The following TENM1 variants were observed in gnomAD, a reference collection of about 807,000 sequenced individuals.
TENM1 encodes teneurin-1.
A neutral mutation model predicts 174.8 loss-of-function variants in TENM1; 35 were observed. That is an observed-to-expected ratio of 0.20 (90% confidence interval 0.15 to 0.27). The LOEUF is 0.27. Ranked by LOEUF, TENM1 falls within the 10% of genes least tolerant of loss-of-function variation. The probability of loss-of-function intolerance (pLI) is 1.00; values close to 1 mark genes in which losing one functional copy is unlikely to be tolerated. For synonymous variants in TENM1, 781 were observed against 798.7 expected (o/e 0.98, Z 0.37); for missense variants, 1,633 against 2,130.1 (o/e 0.77, Z 4.59).
At chrX:124,999,071 G>A in the TENM1 span, among the ~76,000 whole-genome samples, 1 of 111,160 alleles carries the variant, frequency 9.0e-6, no homozygotes, top group African/African-American at 3.3e-5. Flanking sequence ...GTGGCATGAA[G>A]AAATTAGATG....
At chrX:124,704,271 C>A (rs758975264) in intron 5 of TENM1, among the ~76,000 whole-genome samples, 1 of 112,003 alleles carries the variant, frequency 8.9e-6, no homozygotes, top group East Asian at 2.8e-4. Flanking sequence ...AGTGCTGCCA[C>A]AAAATACACA....
At chrX:124,676,257 AATATATATATATATATATAT>A (rs56962688) in intron 5 of TENM1, among the ~76,000 whole-genome samples, 178 of 22,958 alleles carry the variant, frequency 7.8e-3, no homozygotes, top group Middle Eastern at 0.023. Context: ...ACATATATAA[AATATATATATATATATATAT>A]ATATATATAT....
intron 11 of TENM1, among the ~76,000 whole-genome samples, chrX:124,638,544 C>A (rs902392426): frequency 2.7e-5 from 3 of 110,674 alleles, no homozygotes; most frequent in Admixed American, 9.6e-5. Flanking sequence ...TGTAAAGCAC[C>A]CTACCATAGT....
intron 1 of TENM1, among the ~76,000 whole-genome samples, chrX:124,907,496 C>T (rs956554409): frequency 1.8e-5 from 2 of 111,979 alleles, no homozygotes; most frequent in African/African-American, 6.5e-5. Context: ...CCATTTCCAC[C>T]TTAACAGTCT....
At chrX:124,500,886 C>CT (rs1290269086) in intron 19 of TENM1, among the ~76,000 whole-genome samples, 3 of 111,674 alleles carry the variant, frequency 2.7e-5, no homozygotes, top group Non-Finnish European at 5.7e-5. Flanking sequence ...TCTCTTAGTA[C>CT]TTGACTGAGA....
At chrX:124,508,541 C>A (rs1456303205) in intron 18 of TENM1, among the ~76,000 whole-genome samples, 2 of 112,012 alleles carry the variant, frequency 1.8e-5, no homozygotes, top group Non-Finnish European at 3.8e-5. Context: ...TTTACCCTAT[C>A]TATTTACAAA....
chrX:124,428,250 G>A (rs1319631888), intron 23 of TENM1, among the ~76,000 whole-genome samples: 1 of 111,778 alleles, frequency 8.9e-6, no homozygotes, highest in Admixed American at 9.5e-5. Context: ...GTCTTCCTCT[G>A]CTAATTGAAA....
chrX:124,446,192 T>C (rs921629696), intron 23 of TENM1, among the ~76,000 whole-genome samples: 1 of 112,258 alleles, frequency 8.9e-6, no homozygotes, highest in African/African-American at 3.2e-5. Context: ...ACAATGCTAT[T>C]TGGCCATCTC....
upstream of TENM1, among the ~76,000 whole-genome samples, chrX:124,965,164 G>A (rs1162014081): frequency 9.0e-6 from 1 of 111,327 alleles, no homozygotes; most frequent in African/African-American, 3.3e-5. Context: ...TGCAAGCTCC[G>A]TCTCCCGGGT....
chrX:124,632,825 T>C (rs374967439), intron 11 of TENM1, among the ~76,000 whole-genome samples: 3 of 112,159 alleles, frequency 2.7e-5, no homozygotes, highest in African/African-American at 9.7e-5. Flanking sequence ...TATGGGGTAC[T>C]CTTCTATATC....
At chrX:124,787,016 C>G (rs1191687829) in intron 3 of TENM1, among the ~76,000 whole-genome samples, 1 of 111,877 alleles carries the variant, frequency 8.9e-6, no homozygotes, top group Admixed American at 9.5e-5. Context: ...TCACGGGAGT[C>G]TTATACTTTC....
the TENM1 span, among the ~76,000 whole-genome samples, chrX:125,202,349 A>G: frequency 1.8e-5 from 2 of 112,100 alleles, no homozygotes; most frequent in Non-Finnish European, 3.8e-5. Context: ...CTAATCTAAC[A>G]GTACCTATTA....
At chrX:124,691,146 T>C (rs762184966) in intron 5 of TENM1, among the ~76,000 whole-genome samples, 4 of 111,575 alleles carry the variant, frequency 3.6e-5, no homozygotes, top group South Asian at 3.8e-4. Context: ...CAAAACAGTA[T>C]TGGAATTATT....
At chrX:124,842,368 A>T (rs1019209238) in intron 3 of TENM1, among the ~76,000 whole-genome samples, 1 of 111,600 alleles carries the variant, frequency 9.0e-6, no homozygotes, top group Admixed American at 9.5e-5. Context: ...CAATATGCGC[A>T]TGTCACCCAC....
chrX:125,050,375 C>T, the TENM1 span, among the ~76,000 whole-genome samples: 1,904 of 108,866 alleles, frequency 0.017, 39 homozygotes, highest in African/African-American at 0.061. Context: ...TGTGTTCTCA[C>T]TGTTCAATTC....
intron 3 of TENM1, among the ~76,000 whole-genome samples, chrX:124,768,025 A>G (rs756573807): frequency 9.0e-6 from 1 of 111,478 alleles, no homozygotes; most frequent in Non-Finnish European, 1.9e-5. Flanking sequence ...CCTCTGAGGG[A>G]TTTTAAAAAT....
At position 124,861,001 on chromosome X, in the gene TENM1, T is replaced by C. The variant is rs183574257; in HGVS notation, c.535+33295A>G. Among the ~76,000 whole-genome samples, 1,035 of 111,659 alleles carry C rather than the reference T, an allele frequency of 9.3e-3. 9 individuals are homozygous for C. The highest frequency in any genetic ancestry group is 0.032 in the African/African-American group (976 of 30,767). On this transcript the variant is annotated intron_variant, in intron 3 of 31. Transcript: ENST00000422452. ...GCTGATAAAAATGACAGTATTAGTT[T>C]GATATACAAATGACAGAGCTTAGGG...
At position 124,867,183 on chromosome X, in the gene TENM1, C is replaced by G. The variant is rs1160687068; in HGVS notation, c.535+27113G>C. Among the ~76,000 whole-genome samples, 3 of 110,645 alleles carry G rather than the reference C, an allele frequency of 2.7e-5. No individual in the cohort carries two copies. In the Admixed American group the frequency reaches 2.9e-4, roughly 11 times the overall value. On this transcript the variant is annotated intron_variant, in intron 3 of 31. Coordinates refer to ENST00000422452, the Ensembl canonical transcript of TENM1. The stretch of plus-strand genomic sequence containing the variant: ...ATACCAAAACCAGATAAAGACATAT[C>G]AAAAAAAGAAAACTATAGGCCAATA...
At chrX:124,394,102 C>T (rs2060310153) in intron 27 of TENM1, among the ~76,000 whole-genome samples, 1 of 111,766 alleles carries the variant, frequency 8.9e-6, no homozygotes, top group Admixed American at 9.5e-5. Context: ...GCTTAGTGTA[C>T]TAGATTTATA....
Sources: allele counts gnomAD v4.1 joint callset (sites outside exome capture counted in the v4.1 genomes callset), GRCh38; gene constraint gnomAD v4.1.1; transcripts MANE v1.5; gene names NCBI Gene and HGNC (gene_info 2026-07-23, HGNC 2026-07-21).